The following TAFA4 variants were observed in gnomAD, a reference collection of about 807,000 sequenced individuals.
TAFA4 encodes chemokine-like protein TAFA-4.
A neutral mutation model predicts 21.1 loss-of-function variants in TAFA4; 20 were observed. The ratio of observed to expected loss-of-function variants is 0.95; its 90% CI spans 0.67 to 1.38. TAFA4 has a LOEUF of 1.38. TAFA4 is among the 40% of genes most tolerant of loss of function. TAFA4 has a pLI of 0.00. For synonymous variants in TAFA4, 71 were observed against 67.4 expected (o/e 1.05, Z -0.26); for missense variants, 211 against 180.9 (o/e 1.17, Z -0.95).
At chr3:68,926,667 C>G (rs2090110415) in intron 1 of TAFA4, among the ~76,000 whole-genome samples, 1 of 152,090 alleles carries the variant, frequency 6.6e-6, no homozygotes, top group South Asian at 2.1e-4. Context: ...AATCCCAGCA[C>G]TTTGGGAGGC....
chr3:68,850,551 C>T (rs1704917874), intron 3 of TAFA4, among the ~76,000 whole-genome samples: 1 of 152,172 alleles, frequency 6.6e-6, no homozygotes, highest in Non-Finnish European at 1.5e-5. Flanking sequence ...ACCTCACCGG[C>T]ATCCGTTTCT....
chr3:68,800,732 C>A (rs1254844101), intron 3 of TAFA4, among the ~76,000 whole-genome samples: 1 of 152,198 alleles, frequency 6.6e-6, no homozygotes, highest in Admixed American at 6.5e-5. Context: ...CATTAAGGCA[C>A]GTTTGAAAGC....
chr3:68,773,274 A>T (rs1162760757), intron 3 of TAFA4, among the ~76,000 whole-genome samples: 1 of 152,124 alleles, frequency 6.6e-6, no homozygotes, highest in Admixed American at 6.5e-5. Context: ...AAAGCTCTAT[A>T]TGTATAGTTT....
chr3:68,802,989 G>C (rs1213930369), intron 3 of TAFA4, among the ~76,000 whole-genome samples: 4 of 152,180 alleles, frequency 2.6e-5, no homozygotes, highest in East Asian at 1.9e-4. Flanking sequence ...ATCCAAGAGA[G>C]AACTCTCAGA....
Position 68,875,918 on chromosome 3 carries a change from A to T in TAFA4, c.130+4812T>A, listed in dbSNP as rs541607009. ...TCTAAATTTAGTAGTCATTTGTTTT[A>T]AAAAAAAAAAAGAGAGAGAGAACTA... On this transcript the variant is annotated intron_variant, in intron 3 of 5. Coordinates refer to ENST00000295569, the MANE Select transcript of TAFA4 (RefSeq NM_182522.5). 1.1e-3 allele frequency among the ~76,000 whole-genome samples: 138 copies of T among 122,728 alleles called. 1 individual carries two copies. The East Asian group carries it at 0.024, about 22-fold the overall frequency. The allele number at this position is 122,728 out of a possible 152,430, so 80.5% of individuals were successfully genotyped here.
intron 4 of TAFA4, among the ~76,000 whole-genome samples, chr3:68,743,463 C>A (rs754287864): frequency 9.9e-5 from 15 of 151,716 alleles, no homozygotes; most frequent in Non-Finnish European, 2.1e-4. Context: ...GTAGTTCCAG[C>A]TACTCAGGAG....
chr3:68,803,797 CTTTTTTTTT>C (rs386396961), intron 3 of TAFA4, among the ~76,000 whole-genome samples: 1 of 81,594 alleles, frequency 1.2e-5, no homozygotes, highest in Admixed American at 1.8e-4. Context: ...ATCTCTGATT[CTTTTTTTTT>C]TTTTTTTTTT....
chr3:68,829,212 T>C (rs1463953760), intron 3 of TAFA4, among the ~76,000 whole-genome samples: 2 of 152,098 alleles, frequency 1.3e-5, no homozygotes, highest in East Asian at 3.9e-4. Context: ...TATAGACCAA[T>C]GGAACAGGAC....
At chr3:68,917,275 T>A (rs1025385295) in intron 1 of TAFA4, among the ~76,000 whole-genome samples, 3 of 152,162 alleles carry the variant, frequency 2.0e-5, no homozygotes. Flanking sequence ...TATTTCCTCA[T>A]CAGGTTAATG....
chr3:68,814,327 C>A (rs1174682061), intron 3 of TAFA4, among the ~76,000 whole-genome samples: 1 of 152,084 alleles, frequency 6.6e-6, no homozygotes, highest in African/African-American at 2.4e-5. Flanking sequence ...GGCAATCAGG[C>A]AGGAGAAGGA....
intron 1 of TAFA4, among the ~76,000 whole-genome samples, chr3:68,914,316 T>C (rs1000324693): frequency 4.6e-5 from 7 of 152,144 alleles, no homozygotes; most frequent in Non-Finnish European, 8.8e-5. Context: ...CTACTGGTAG[T>C]GGTGTGTATG....
At position 68,739,180 on chromosome 3, in the gene TAFA4, T is replaced by A; in HGVS notation, c.306A>T (p.Lys102Asn). 1.2e-6 allele frequency: 2 copies of A among 1,613,748 alleles called. No individual in the cohort carries two copies. The highest frequency in any genetic ancestry group is 1.7e-6 in the Non-Finnish European group (2 of 1,179,808). ...AACACGGATTCATGTGACACCACCA[T>A]TTCTGAATCACAATGGAAGCTGGAA... ...SCVEASIVIQKWWCHMNPCLE... is the reference protein window; with the variant it reads ...SCVEASIVIQNWWCHMNPCLE... Residue 102 changes from lysine (K) to asparagine (N), a missense_variant, in exon 5 of 6, where the codon AAA (lysine) becomes AAT (asparagine). Physicochemically the swap from Lys to Asn is moderately conservative, Grantham distance 94. Coordinates refer to ENST00000295569, the MANE Select transcript of TAFA4 (RefSeq NM_182522.5).
At chr3:68,846,695 G>A (rs1321464697) in intron 3 of TAFA4, among the ~76,000 whole-genome samples, 2 of 152,154 alleles carry the variant, frequency 1.3e-5, no homozygotes, top group Non-Finnish European at 1.5e-5. Context: ...ACCTTTGGAT[G>A]GGCTTTCTGT....
At chr3:68,763,561 A>G (rs1160181498) in intron 3 of TAFA4, among the ~76,000 whole-genome samples, 2 of 152,128 alleles carry the variant, frequency 1.3e-5, no homozygotes, top group Non-Finnish European at 2.9e-5. Flanking sequence ...AAAAAATACT[A>G]TATTCTAACC....
chr3:68,915,506 G>A (rs892197856), intron 1 of TAFA4, among the ~76,000 whole-genome samples: 1 of 152,160 alleles, frequency 6.6e-6, no homozygotes, highest in Non-Finnish European at 1.5e-5. Flanking sequence ...TGTTGGACAT[G>A]TACAGACAGA....
intron 3 of TAFA4, among the ~76,000 whole-genome samples, chr3:68,781,064 T>C (rs1252217142): frequency 6.6e-6 from 1 of 151,988 alleles, no homozygotes; most frequent in East Asian, 1.9e-4. Context: ...GGAGAAATCA[T>C]AAAAGTATTT....
chr3:68,769,515 G>A (rs564222269), intron 3 of TAFA4, among the ~76,000 whole-genome samples: 1 of 152,290 alleles, frequency 6.6e-6, no homozygotes, highest in Non-Finnish European at 1.5e-5. Flanking sequence ...GCACAGTAGG[G>A]TGACTATGAT....
At chr3:68,774,273 T>G (rs995105001) in intron 3 of TAFA4, among the ~76,000 whole-genome samples, 1 of 152,228 alleles carries the variant, frequency 6.6e-6, no homozygotes, top group African/African-American at 2.4e-5. Context: ...CTGAATTATT[T>G]CATTCTGCTG....
At chr3:68,915,225 T>C (rs7643121) in intron 1 of TAFA4, among the ~76,000 whole-genome samples, 39,952 of 152,066 alleles carry the variant, frequency 0.26, 5,706 homozygotes, top group African/African-American at 0.38. Flanking sequence ...AGTGAGTGTC[T>C]AAGCTCTGAG....
Sources: allele counts gnomAD v4.1 joint callset (sites outside exome capture counted in the v4.1 genomes callset), GRCh38; gene constraint gnomAD v4.1.1; transcripts MANE v1.5; gene names NCBI Gene and HGNC (gene_info 2026-07-23, HGNC 2026-07-21).